The following EYA4 variants were observed in gnomAD, a reference collection of about 807,000 sequenced individuals.
The protein encoded by EYA4 is EYA transcriptional coactivator and phosphatase 4, also known as protein phosphatase EYA4.
A neutral mutation model predicts 87.9 loss-of-function variants in EYA4; 31 were observed. The observed-to-expected ratio is 0.35, with a 90% CI of 0.27 to 0.48. The LOEUF is 0.48. Among genes scored for constraint, EYA4 ranks in the 20% least tolerant of loss-of-function variants. The pLI is 0.99. For synonymous variants in EYA4, 263 were observed against 270.6 expected, an observed-to-expected ratio of 0.97 and a Z score of 0.28; for missense variants, 678 against 761.4, an observed-to-expected ratio of 0.89 and a Z score of 1.29.
chr6:133,521,541 G>T (rs1800136591), intron 17 of EYA4, among the ~76,000 whole-genome samples: 1 of 131,640 alleles, frequency 7.6e-6, no homozygotes, highest in Non-Finnish European at 1.6e-5. Context: ...TTCAACCATT[G>T]TGGAAGTCAG....
At chr6:133,357,057 G>C (rs965621333) in intron 2 of EYA4, among the ~76,000 whole-genome samples, 1 of 151,778 alleles carries the variant, frequency 6.6e-6, no homozygotes, top group Non-Finnish European at 1.5e-5. Context: ...GGATCACGAG[G>C]TCAGGAGATC....
Position 133,523,060 on chromosome 6 carries a change from A to C in EYA4, c.1621A>C (p.Asn541His). 1 of 1,610,962 alleles carries C rather than the reference A, an allele frequency of 6.2e-7. No individual in the cohort carries two copies. The highest frequency in any genetic ancestry group is 8.5e-7 in the Non-Finnish European group (1 of 1,177,390). The change falls in exon 18 of 20, where the codon AAC (asparagine) becomes CAC (histidine). Residue 541 changes from asparagine to histidine, a missense_variant. Asn to His is a moderately conservative substitution (Grantham distance 68). Coordinates refer to ENST00000355286, the MANE Select transcript of EYA4 (RefSeq NM_004100.5). ...KSLSIISTRSNCINVLVTTTQ... is the reference protein window; with the variant it reads ...KSLSIISTRSHCINVLVTTTQ... ...TATATTTCCTCCCTATTTTAGGAGT[A>C]ACTGCATAAATGTCTTGGTAACGAC...
chr6:133,359,062 A>C (rs893906598), intron 2 of EYA4, among the ~76,000 whole-genome samples: 2 of 152,202 alleles, frequency 1.3e-5, no homozygotes, highest in Non-Finnish European at 2.9e-5. Context: ...AACTGACAGA[A>C]ATTCAGTGTG....
chr6:133,263,309 A>G (rs932008654), intron 1 of EYA4, among the ~76,000 whole-genome samples: 1 of 152,234 alleles, frequency 6.6e-6, no homozygotes, highest in Non-Finnish European at 1.5e-5. Flanking sequence ...ACTAAGCAAC[A>G]GGAAGAGCAG....
Position 133,468,727 on chromosome 6 carries a change from A to G in EYA4, c.966A>G (p.Gln322=), listed in dbSNP as rs762696698. The G allele has an allele frequency of 8.7e-6, 14 of 1,612,808 alleles. No individual in the cohort carries two copies. In the South Asian group the frequency reaches 9.9e-5, roughly 11 times the overall value. ...AATCTCTCCCAGGACTGACTAACCA[A>G]CCAGGTACAGATCTTCACCCAGGTG... is the stretch of plus-strand genomic sequence containing the variant. ...LQESLPGLTN[Q]PGEFDTMQSP... Residue 322 remains glutamine, a synonymous_variant, in exon 11 of 20, where the codon CAA becomes CAG. Transcript: ENST00000355286.
chr6:133,362,107 T>G (rs1355805622), intron 2 of EYA4, among the ~76,000 whole-genome samples: 1 of 152,214 alleles, frequency 6.6e-6, no homozygotes, highest in East Asian at 1.9e-4. Context: ...GATGAAGGTG[T>G]GGGGTATGTA....
intron 2 of EYA4, among the ~76,000 whole-genome samples, chr6:133,334,680 A>G (rs1054846528): frequency 1.2e-4 from 18 of 152,204 alleles, no homozygotes; most frequent in Non-Finnish European, 2.4e-4. Flanking sequence ...AGCAAGGAAA[A>G]AAAGAACCCT....
At chr6:133,286,099 T>G (rs1778037447) in intron 2 of EYA4, among the ~76,000 whole-genome samples, 1 of 152,132 alleles carries the variant, frequency 6.6e-6, no homozygotes, top group African/African-American at 2.4e-5. Context: ...AATGAGGCAG[T>G]GAGAAGCCCC....
At chr6:133,498,069 C>A (rs1353482888) in intron 13 of EYA4, among the ~76,000 whole-genome samples, 1 of 152,206 alleles carries the variant, frequency 6.6e-6, no homozygotes, top group African/African-American at 2.4e-5. Flanking sequence ...TCTAACATAG[C>A]ATTTGGCTGG....
intron 13 of EYA4, among the ~76,000 whole-genome samples, chr6:133,499,134 G>A (rs569872420): frequency 6.4e-4 from 97 of 152,266 alleles, no homozygotes; most frequent in African/African-American, 1.9e-3. Flanking sequence ...GATCTCAGTT[G>A]ATGATCATTT....
intron 3 of EYA4, among the ~76,000 whole-genome samples, chr6:133,417,408 C>T (rs1029912720): frequency 5.3e-5 from 8 of 151,946 alleles, no homozygotes; most frequent in African/African-American, 1.7e-4. Context: ...AAGATACTGT[C>T]GTGTTTCAGA....
At chr6:133,303,072 G>T (rs1386919548) in intron 2 of EYA4, among the ~76,000 whole-genome samples, 2 of 152,156 alleles carry the variant, frequency 1.3e-5, no homozygotes, top group East Asian at 1.9e-4. Flanking sequence ...CAAATGACAG[G>T]ATGGATTTGG....
At chr6:133,377,949 C>T (rs1373855345) in intron 2 of EYA4, among the ~76,000 whole-genome samples, 1 of 144,930 alleles carries the variant, frequency 6.9e-6, no homozygotes, top group Non-Finnish European at 1.5e-5. Context: ...TTAAAATTCA[C>T]TAAGAGAGTA....
chr6:133,310,831 C>T (rs979778020), intron 2 of EYA4, among the ~76,000 whole-genome samples: 2 of 152,152 alleles, frequency 1.3e-5, no homozygotes, highest in African/African-American at 4.8e-5. Flanking sequence ...AATTTAACAA[C>T]ATGCCTACCG....
chr6:133,510,163 A>C (rs968641535), intron 14 of EYA4, among the ~76,000 whole-genome samples: 2 of 152,338 alleles, frequency 1.3e-5, no homozygotes, highest in South Asian at 4.1e-4. Context: ...ATGCGAGTTA[A>C]TATTTAATGT....
intron 2 of EYA4, among the ~76,000 whole-genome samples, chr6:133,358,893 G>A (rs1266920293): frequency 6.6e-6 from 1 of 152,184 alleles, no homozygotes; most frequent in East Asian, 1.9e-4. Context: ...ACTGTAGGTT[G>A]AGTGGTCAGG....
intron 2 of EYA4, among the ~76,000 whole-genome samples, chr6:133,279,608 G>A (rs921049810): frequency 6.6e-6 from 1 of 152,022 alleles, no homozygotes; most frequent in African/African-American, 2.4e-5. Flanking sequence ...CACCAACCAT[G>A]CTAATTTAAT....
intron 2 of EYA4, among the ~76,000 whole-genome samples, chr6:133,294,023 T>TTATATATATATATATATATATATATATA (rs71771244): frequency 1.3e-5 from 1 of 78,782 alleles, no homozygotes; most frequent in African/African-American, 5.2e-5. Flanking sequence ...TAGGGTGATT[T>TTATATATATATATATATATATATATATA]TATATATATA....
chr6:133,332,303 A>C (rs1782024758), intron 2 of EYA4, among the ~76,000 whole-genome samples: 1 of 152,216 alleles, frequency 6.6e-6, no homozygotes, highest in Non-Finnish European at 1.5e-5. Flanking sequence ...TGTTTGTTTC[A>C]TCACCCTTAA....
Sources: allele counts gnomAD v4.1 joint callset (sites outside exome capture counted in the v4.1 genomes callset), GRCh38; gene constraint gnomAD v4.1.1; transcripts MANE v1.5; gene names NCBI Gene and HGNC (gene_info 2026-07-23, HGNC 2026-07-21).